UGT2B7: variants seen among roughly 807,000 people sequenced by gnomAD.
The protein encoded by UGT2B7 is UDP glucuronosyltransferase family 2 member B7, also known as UDP-glucuronosyltransferase 2B7.
Under a neutral mutation model 51.9 loss-of-function variants are expected in UGT2B7, and 51 were observed. The observed-to-expected ratio is 0.98, with a 90% CI of 0.78 to 1.24. The LOEUF is 1.24. Ranked by LOEUF, UGT2B7 falls within the 50% of genes most tolerant of loss-of-function variation. The pLI is 0.00. For missense variants in UGT2B7, 727 were observed against 628.4 expected, an observed-to-expected ratio of 1.16 and a Z score of -1.68; for synonymous variants, 225 against 211.6, an observed-to-expected ratio of 1.06 and a Z score of -0.55.
intron 1 of UGT2B7, among the ~76,000 whole-genome samples, chr4:69,064,506 G>A (rs1379086765): frequency 6.6e-6 from 1 of 152,200 alleles, no homozygotes; most frequent in Non-Finnish European, 1.5e-5. Flanking sequence ...GCTCTTTTGA[G>A]CAAAACCTAG....
At chr4:69,094,095 G>T (rs1438796327), upstream of UGT2B7, among the ~76,000 whole-genome samples, 1 of 149,758 alleles carries the variant, frequency 6.7e-6, no homozygotes, top group African/African-American at 2.4e-5. Flanking sequence ...AGCAAATATT[G>T]CAATGAAGCA....
chr4:69,064,072 GAA>G (rs1365685109), intron 1 of UGT2B7, among the ~76,000 whole-genome samples: 1,257 of 104,804 alleles, frequency 0.012, 45 homozygotes, highest in African/African-American at 0.055. Flanking sequence ...AAGAAAGAAA[GAA>G]AGAAAGAAAG....
chr4:69,086,146 T>G (rs1718950576), intron 1 of UGT2B7, among the ~76,000 whole-genome samples: 1 of 151,842 alleles, frequency 6.6e-6, no homozygotes, highest in Admixed American at 6.6e-5. Context: ...ATATATTTGT[T>G]GTTTTAGAAC....
At chr4:69,069,358 T>C (rs903754628) in intron 1 of UGT2B7, among the ~76,000 whole-genome samples, 5 of 152,018 alleles carry the variant, frequency 3.3e-5, no homozygotes, top group Non-Finnish European at 7.4e-5. Flanking sequence ...TCAATCTCTG[T>C]ACTCTCAATT....
In UGT2B7 at chr4:69,076,125, G is replaced by A. The variant is rs532146561; in HGVS notation, c.-158-13347G>A. ...GACATGTACTCATCCTTTTTTATGTGTGCATAGTATTCTATGATATATATG... is the reference window on the plus strand; with the variant it reads ...GACATGTACTCATCCTTTTTTATGTATGCATAGTATTCTATGATATATATG... On this transcript the variant is annotated intron_variant, in intron 1 of 5. Transcript: ENST00000502942. 5.3e-5 allele frequency among the ~76,000 whole-genome samples: 8 copies of A among 152,208 alleles called. No individual in the cohort carries two copies. The South Asian group carries it at 1.7e-3, about 32-fold the overall frequency.
chr4:69,069,357 G>A (rs189345775), intron 1 of UGT2B7, among the ~76,000 whole-genome samples: 11 of 151,692 alleles, frequency 7.3e-5, no homozygotes, highest in African/African-American at 2.7e-4. Context: ...TTCAATCTCT[G>A]TACTCTCAAT....
At chr4:69,063,638 C>T (rs1019910321) in intron 1 of UGT2B7, among the ~76,000 whole-genome samples, 1 of 152,100 alleles carries the variant, frequency 6.6e-6, no homozygotes, top group African/African-American at 2.4e-5. Flanking sequence ...TTAATGATAA[C>T]AGGAAAGCCA....
intron 2 of UGT2B7, among the ~76,000 whole-genome samples, chr4:69,091,417 G>A (rs1719082417): frequency 6.6e-6 from 1 of 151,002 alleles, no homozygotes; most frequent in Non-Finnish European, 1.5e-5. Flanking sequence ...TTCTGTCATT[G>A]AAAATATAGA....
chr4:69,099,257 C>CAA (rs58121670), intron 2 of UGT2B7, among the ~76,000 whole-genome samples: 12 of 105,716 alleles, frequency 1.1e-4, no homozygotes, highest in Non-Finnish European at 1.9e-4. Flanking sequence ...GAGAGACAGA[C>CAA]AAAAAAAAAA....
rs756998220 is a variant in UGT2B7 at position 69,096,942 on chromosome 4, AAG to A, written c.425_426del (p.Glu142ValfsTer4). On this transcript the variant is annotated frameshift_variant, in exon 1 of 6. Coordinates refer to ENST00000305231, the MANE Select transcript of UGT2B7 (RefSeq NM_001074.4). LOFTEE classifies it high-confidence loss of function. The stretch of plus-strand genomic sequence containing the variant: ...AATAAGAAATTTATGAAAAAAGTAC[AAG>A]AGTCAAGATTTGACGTCATTTTTGC... 1.8e-4 allele frequency: 295 copies of A among 1,612,854 alleles called. No individual in the cohort carries two copies. The highest frequency in any genetic ancestry group is 2.5e-4 in the Non-Finnish European group (291 of 1,179,702).
chr4:69,052,281 G>T (rs947559478), intron 1 of UGT2B7, among the ~76,000 whole-genome samples: 2 of 151,912 alleles, frequency 1.3e-5, no homozygotes, highest in African/African-American at 4.8e-5. Context: ...CCCCCCAACA[G>T]TAGTTAAGAG....
chr4:69,094,281 AGGCGCC>A (rs1187255015), upstream of UGT2B7, among the ~76,000 whole-genome samples: 3 of 83,930 alleles, frequency 3.6e-5, 1 homozygote, highest in Non-Finnish European at 6.2e-5. Flanking sequence ...CTGGGACTAC[AGGCGCC>A]CGCTACCACG....
intron 2 of UGT2B7, among the ~76,000 whole-genome samples, chr4:69,100,134 AGAT>A (rs1270480465): frequency 6.6e-6 from 1 of 152,082 alleles, no homozygotes; most frequent in Admixed American, 6.6e-5. Context: ...CTATGAGAGC[AGAT>A]GATTTTTGCC....
intron 1 of UGT2B7, among the ~76,000 whole-genome samples, chr4:69,079,398 G>C (rs900329854): frequency 6.6e-6 from 1 of 152,136 alleles, no homozygotes; most frequent in Non-Finnish European, 1.5e-5. Context: ...AGGAGTTAAA[G>C]GGTCCAGCTC....
chr4:69,108,858 A>C (rs1467736582), intron 5 of UGT2B7, among the ~76,000 whole-genome samples: 1 of 152,104 alleles, frequency 6.6e-6, no homozygotes, highest in Non-Finnish European at 1.5e-5. Context: ...ATTTTAGAAC[A>C]TTTTTATCAA....
chr4:69,109,552 C>A (rs1204446916), intron 5 of UGT2B7, among the ~76,000 whole-genome samples: 1 of 152,078 alleles, frequency 6.6e-6, no homozygotes, highest in Non-Finnish European at 1.5e-5. Context: ...ACAGTCTATC[C>A]AATCCTTGGA....
At chr4:69,063,887 C>T (rs530858717) in intron 1 of UGT2B7, among the ~76,000 whole-genome samples, 1 of 151,948 alleles carries the variant, frequency 6.6e-6, no homozygotes, top group Non-Finnish European at 1.5e-5. Flanking sequence ...CACCTCCACT[C>T]CACTGATGGC....
At chr4:69,082,652 T>C (rs1718865545) in intron 1 of UGT2B7, among the ~76,000 whole-genome samples, 1 of 152,018 alleles carries the variant, frequency 6.6e-6, no homozygotes, top group South Asian at 2.1e-4. Context: ...CTAGCAGACA[T>C]TGGCTCATGA....
chr4:69,073,614 C>T (rs1718643801), intron 1 of UGT2B7, among the ~76,000 whole-genome samples: 1 of 152,106 alleles, frequency 6.6e-6, no homozygotes, highest in African/African-American at 2.4e-5. Flanking sequence ...ATAATGAGGA[C>T]ATGCAGGTTG....
Sources: allele counts gnomAD v4.1 joint callset (sites outside exome capture counted in the v4.1 genomes callset), GRCh38; gene constraint gnomAD v4.1.1; transcripts MANE v1.5; gene names NCBI Gene and HGNC (gene_info 2026-07-23, HGNC 2026-07-21).